The following TPPP variants were observed in gnomAD, a reference collection of about 807,000 sequenced individuals.
TPPP encodes the protein tubulin polymerization promoting protein.
Under a neutral mutation model 15.5 loss-of-function variants are expected in TPPP, and 6 were observed. The observed-to-expected ratio is 0.39, with a 90% CI of 0.21 to 0.77. The LOEUF (loss-of-function observed/expected upper bound fraction) is 0.77, where lower values mean the gene tolerates loss of function less well. Among genes scored for constraint, TPPP ranks in the 30% least tolerant of loss-of-function variants. TPPP has a pLI of 0.42. For missense variants in TPPP, 269 were observed against 307.2 expected, an observed-to-expected ratio of 0.88 and a Z score of 0.93; for synonymous variants, 146 against 133.9, an observed-to-expected ratio of 1.09 and a Z score of -0.63.
At chr5:698,928 C>T in the TPPP span, among the ~76,000 whole-genome samples, 3 of 152,024 alleles carry the variant, frequency 2.0e-5, 1 homozygote, top group East Asian at 1.9e-4. Flanking sequence ...ATTGTAGCTA[C>T]AAAAAATTAC....
At chr5:667,755 A>G (rs1739981249) in intron 2 of TPPP, among the ~76,000 whole-genome samples, 1 of 152,128 alleles carries the variant, frequency 6.6e-6, no homozygotes, top group South Asian at 2.1e-4. Context: ...AGACACCACC[A>G]GAGAAGACAC....
upstream of TPPP, among the ~76,000 whole-genome samples, chr5:697,502 C>T (rs1254144609): frequency 3.3e-5 from 5 of 152,048 alleles, no homozygotes; most frequent in Admixed American, 1.3e-4. Flanking sequence ...CGGAGGGCCG[C>T]AGAGAAGGGA....
At position 664,804 on chromosome 5, in the gene TPPP, T is replaced by C. The variant is rs1244372358; in HGVS notation, c.*298A>G. ...GCTGCTTTAAAACGCCCCTTTGACC[T>C]GCAAACCACGTGCCCAGTGTGGTGT... On this transcript the variant is annotated 3_prime_UTR_variant, in exon 4 of 4. Coordinates refer to ENST00000360578, the MANE Select transcript of TPPP (RefSeq NM_007030.3). 6 of 359,776 alleles carry C rather than the reference T, an allele frequency of 1.7e-5. No homozygotes were observed. Among genetic ancestry groups the C allele is most frequent in the African/African-American group, 1.0e-4 (5 of 48,082 alleles). The allele number at this position is 359,776 out of a possible 1,614,324, so 22.3% of individuals were successfully genotyped here.
chr5:674,695 G>A (rs375116609), intron 2 of TPPP, among the ~76,000 whole-genome samples: 11 of 152,034 alleles, frequency 7.2e-5, no homozygotes, highest in South Asian at 2.1e-4. Context: ...GGCCCACACC[G>A]CATGGCCCGC....
At chr5:666,194 G>A in intron 2 of TPPP, 71 bp from the exon 3 acceptor site, 1 of 1,551,968 alleles carries the variant, frequency 6.4e-7, no homozygotes, top group Non-Finnish European at 8.7e-7. Flanking sequence ...GCGTGGGTCT[G>A]AGCAGAGCTG....
At chr5:678,937 G>A (rs962665106) in intron 1 of TPPP, among the ~76,000 whole-genome samples, 3 of 152,112 alleles carry the variant, frequency 2.0e-5, no homozygotes, top group Non-Finnish European at 4.4e-5. Flanking sequence ...ACCCAGTCAG[G>A]CCCTGAAGGA....
chr5:672,401 T>G (rs1250344302), intron 2 of TPPP, among the ~76,000 whole-genome samples: 2 of 152,204 alleles, frequency 1.3e-5, no homozygotes, highest in African/African-American at 4.8e-5. Context: ...CGTCAGTGCA[T>G]TTACTTGGGA....
chr5:666,797 G>A (rs1739935564), intron 2 of TPPP: 1 of 152,240 alleles, frequency 6.6e-6, no homozygotes, highest in Middle Eastern at 3.2e-3. Flanking sequence ...ATTTTAGAGG[G>A]TTCTAAACTG....
intron 1 of TPPP, among the ~76,000 whole-genome samples, chr5:686,335 G>A (rs1417090080): frequency 1.2e-4 from 18 of 152,358 alleles, no homozygotes; most frequent in African/African-American, 3.6e-4. Context: ...GGACACAGCC[G>A]GGGCTCTCAA....
At chr5:677,685 C>T in intron 2 of TPPP, 65 bp downstream of exon 2, 2 of 1,460,312 alleles carry the variant, frequency 1.4e-6, no homozygotes, top group Non-Finnish European at 1.8e-6. Flanking sequence ...AGAACCCACC[C>T]AGGGGCTCAG....
chr5:665,143 G>T lies in TPPP; in HGVS notation c.619C>A (p.His207Asn). The T allele has an allele frequency of 6.2e-7, 1 of 1,613,066 alleles. No individual in the cohort carries two copies. The highest frequency in any genetic ancestry group is 8.5e-7 in the Non-Finnish European group (1 of 1,179,992). ...DESGYVSGYK[H>N]AGTYDQKVQG... is the part of the protein sequence containing the mutation. ...ACCTTCTGGTCGTAGGTGCCTGCGT[G>T]CTTGTAGCCGGACACATAGCCTGAC... Residue 207 changes from histidine (H) to asparagine (N), a missense_variant, in exon 4 of 4, where the codon CAC becomes AAC. Physicochemically the swap from His to Asn is moderately conservative, Grantham distance 68. Coordinates refer to ENST00000360578, the MANE Select transcript of TPPP (RefSeq NM_007030.3).
Position 660,763 on chromosome 5 carries a change from A to G in TPPP, c.*4339T>C, listed in dbSNP as rs1366616370. The G allele has an allele frequency of 6.6e-6, 1 of 152,408 alleles. No individual in the cohort carries two copies. The highest frequency in any genetic ancestry group is 3.1e-3 in the Middle Eastern group (1 of 320). 9.4% of individuals were successfully genotyped at this position (152,408 alleles called of 1,614,324 possible). ...GTGCCAACAAAACACCATTCACAAA[A>G]GCAGGCGGCCGCAGCAGCCCAGGAT... On this transcript the variant is annotated 3_prime_UTR_variant, in exon 4 of 4. Coordinates refer to ENST00000360578, the MANE Select transcript of TPPP (RefSeq NM_007030.3).
intron 1 of TPPP, among the ~76,000 whole-genome samples, chr5:683,952 G>A (rs1359748626): frequency 1.5e-4 from 23 of 152,328 alleles, no homozygotes; most frequent in East Asian, 5.8e-4. Context: ...TGTCCAGGGG[G>A]AGCACCCTCC....
chr5:698,377 C>G, the TPPP span, among the ~76,000 whole-genome samples: 3 of 152,076 alleles, frequency 2.0e-5, no homozygotes, highest in Admixed American at 2.0e-4. Flanking sequence ...CCCAAACTAT[C>G]CCTTTCTGTT....
intron 2 of TPPP, among the ~76,000 whole-genome samples, chr5:671,624 A>G (rs1422311862): frequency 6.6e-6 from 1 of 152,220 alleles, no homozygotes; most frequent in Admixed American, 6.5e-5. Flanking sequence ...CCCGGCCTGC[A>G]GGGTACAGGA....
At chr5:668,942 C>G (rs1397680342) in intron 2 of TPPP, among the ~76,000 whole-genome samples, 1 of 152,192 alleles carries the variant, frequency 6.6e-6, no homozygotes, top group Non-Finnish European at 1.5e-5. Flanking sequence ...TTCCCAGACC[C>G]CAAGGCGGAT....
In TPPP at chr5:665,152, CGGA is replaced by C; in HGVS notation, c.607_609del (p.Ser203del). ...TCGTAGGTGCCTGCGTGCTTGTAGCCGGACACATAGCCTGACTCGTCCACCAGA... is the reference window on the plus strand; with the variant it reads ...TCGTAGGTGCCTGCGTGCTTGTAGCCCACATAGCCTGACTCGTCCACCAGA... On this transcript the variant is annotated inframe_deletion, in exon 4 of 4. Coordinates refer to ENST00000360578, the MANE Select transcript of TPPP (RefSeq NM_007030.3). 1 of 1,613,328 alleles carries C rather than the reference CGGA, an allele frequency of 6.2e-7. No homozygotes were observed. The highest frequency in any genetic ancestry group is 8.5e-7 in the Non-Finnish European group (1 of 1,179,988).
chr5:696,734 G>A (rs1446437866), upstream of TPPP, among the ~76,000 whole-genome samples: 2 of 78,884 alleles, frequency 2.5e-5, 1 homozygote, highest in African/African-American at 8.9e-5. Context: ...CTGTGTGTGA[G>A]AGTGTGAGAG....
upstream of TPPP, among the ~76,000 whole-genome samples, chr5:696,884 CTG>C (rs1195678247): frequency 4.4e-4 from 41 of 92,154 alleles, no homozygotes; most frequent in South Asian, 1.1e-3. Context: ...TTGTGTGTCT[CTG>C]TGTGTATGAG....
Sources: gnomAD v4.1 joint callset for allele counts (sites outside exome capture counted in the v4.1 genomes callset) on GRCh38, gnomAD v4.1.1 for gene constraint, MANE v1.5 for transcripts, NCBI Gene and HGNC (gene_info 2026-07-23, HGNC 2026-07-21) for gene names.